The following LY6S variants were observed in gnomAD, a reference collection of about 807,000 sequenced individuals.
LY6S encodes the protein lymphocyte antigen 6 family member S, also known as lymphocyte antigen 6S.
the LY6S span, among the ~76,000 whole-genome samples, chr8:143,045,615 C>T: frequency 9.8e-5 from 15 of 152,294 alleles, no homozygotes; most frequent in African/African-American, 3.4e-4. The surrounding 1 kb of genome is among the most constrained non-coding windows in gnomAD (Gnocchi z 5.3). Flanking sequence ...CCTTAGCGCC[C>T]CCACCCAGGA....
chr8:143,068,029 G>A, the LY6S span, among the ~76,000 whole-genome samples: 1 of 152,134 alleles, frequency 6.6e-6, no homozygotes, highest in Non-Finnish European at 1.5e-5. Context: ...CCTCAGCACA[G>A]ACCCTTCACG....
the LY6S span, chr8:143,044,671 C>A: frequency 7.3e-7 from 1 of 1,366,930 alleles, no homozygotes; most frequent in South Asian, 1.1e-5. Context: ...GCCCTGGCAC[C>A]CCAGGGACTC....
chr8:143,047,777 C>CG, the LY6S span: 1 of 152,060 alleles, frequency 6.6e-6, no homozygotes. Context: ...AGGACCCCCC[C>CG]AGAACATGCT....
At chr8:143,071,519 A>T in the LY6S span, among the ~76,000 whole-genome samples, 7 of 152,218 alleles carry the variant, frequency 4.6e-5, no homozygotes. Flanking sequence ...GTACCACATG[A>T]ATGCAAAGTG....
chr8:143,065,068 AG>A, the LY6S span, among the ~76,000 whole-genome samples: 1 of 152,202 alleles, frequency 6.6e-6, no homozygotes, highest in Non-Finnish European at 1.5e-5. Flanking sequence ...CAGGGATTAC[AG>A]GCCCAATCAT....
the LY6S span, among the ~76,000 whole-genome samples, chr8:143,055,212 T>C: frequency 1.3e-5 from 2 of 152,158 alleles, no homozygotes; most frequent in Non-Finnish European, 2.9e-5. Context: ...TTTGTTGTTG[T>C]TGTTGCTTTT....
the LY6S span, chr8:143,057,871 C>A: frequency 2.0e-4 from 130 of 664,702 alleles, no homozygotes; most frequent in African/African-American, 1.9e-3. Context: ...GTGTCGGGTG[C>A]CATATGAGAG....
the LY6S span, among the ~76,000 whole-genome samples, chr8:143,047,464 A>C: frequency 6.6e-6 from 1 of 152,124 alleles, no homozygotes; most frequent in Non-Finnish European, 1.5e-5. Context: ...ACTTCTGCTC[A>C]TGAGCCAGGA....
chr8:143,075,911 CTA>C, the LY6S span, among the ~76,000 whole-genome samples: 1 of 152,064 alleles, frequency 6.6e-6, no homozygotes, highest in Non-Finnish European at 1.5e-5. This position sits in a 1 kb window ranked among gnomAD's most constrained non-coding sequence, Gnocchi z 4.1. Flanking sequence ...ACATGTGTAA[CTA>C]TGTCACTGAT....
At chr8:143,076,394 A>ATGAGGGTCGGG in the LY6S span, among the ~76,000 whole-genome samples, 1 of 152,126 alleles carries the variant, frequency 6.6e-6, no homozygotes, top group Non-Finnish European at 1.5e-5. Context: ...CTCGCTGGGG[A>ATGAGGGTCGGG]CGCCCAGACA....
At chr8:143,068,115 C>G in the LY6S span, among the ~76,000 whole-genome samples, 2 of 152,200 alleles carry the variant, frequency 1.3e-5, no homozygotes, top group South Asian at 4.1e-4. Flanking sequence ...GGGGGGAAAC[C>G]TTGGTCAATA....
At chr8:143,054,666 A>G in the LY6S span, among the ~76,000 whole-genome samples, 2 of 152,238 alleles carry the variant, frequency 1.3e-5, no homozygotes, top group African/African-American at 4.8e-5. Context: ...CTCCACGCTT[A>G]CAGCTCCCCC....
the LY6S span, chr8:143,044,828 G>A: frequency 3.2e-5 from 43 of 1,359,642 alleles, no homozygotes; most frequent in Admixed American, 2.1e-4. Flanking sequence ...GTGGGTGACT[G>A]CAGCACATGC....
chr8:143,042,596 G>C, the LY6S span: 4 of 180,582 alleles, frequency 2.2e-5, no homozygotes, highest in Non-Finnish European at 3.5e-5. Context: ...GGAAGAAGCC[G>C]AGTGCTGACG....
At chr8:143,057,976 C>T in the LY6S span, among the ~76,000 whole-genome samples, 2 of 152,176 alleles carry the variant, frequency 1.3e-5, no homozygotes, top group African/African-American at 4.8e-5. Flanking sequence ...CTCTGCATCT[C>T]TCTCAAATCT....
At chr8:143,060,475 T>C in the LY6S span, among the ~76,000 whole-genome samples, 2 of 151,964 alleles carry the variant, frequency 1.3e-5, no homozygotes, top group African/African-American at 4.8e-5. Flanking sequence ...CAGAACTACA[T>C]AGAAGAAATA....
chr8:143,075,507 G>A, the LY6S span, among the ~76,000 whole-genome samples: 12 of 152,088 alleles, frequency 7.9e-5, no homozygotes, highest in African/African-American at 2.4e-4. The surrounding 1 kb of genome is among the most constrained non-coding windows in gnomAD (Gnocchi z 4.1). Flanking sequence ...GGTTCAAGAC[G>A]AGCCTGGGCA....
chr8:143,043,255 C>T, the LY6S span: 36 of 1,363,736 alleles, frequency 2.6e-5, no homozygotes, highest in Non-Finnish European at 3.0e-5. Context: ...GAGTCCACAA[C>T]GGCACTTGTA....
At chr8:143,065,055 G>T in the LY6S span, among the ~76,000 whole-genome samples, 1 of 152,232 alleles carries the variant, frequency 6.6e-6, no homozygotes, top group Admixed American at 6.5e-5. Flanking sequence ...GTCCGAGGTG[G>T]AGCAGGGATT....
Sources: gnomAD v4.1 joint callset for allele counts (sites outside exome capture counted in the v4.1 genomes callset) on GRCh38, gnomAD v4.1.1 for gene constraint, Gnocchi (gnomAD v3.1) non-coding constraint, MANE v1.5 for transcripts, NCBI Gene and HGNC (gene_info 2026-07-23, HGNC 2026-07-21) for gene names.